The following GRID2 variants were observed in gnomAD, a reference collection of about 807,000 sequenced individuals.
GRID2 encodes glutamate receptor ionotropic, delta-2.
GRID2 carries 33 observed loss-of-function variants against 114.8 expected under a neutral mutation model. The ratio of observed to expected loss-of-function variants is 0.29; its 90% CI spans 0.22 to 0.38. GRID2 has a LOEUF of 0.38. Ranked by LOEUF, GRID2 falls within the 10% of genes least tolerant of loss-of-function variation. The pLI, the probability that GRID2 is intolerant of heterozygous loss-of-function variation, is 1.00. For missense variants in GRID2, 1,184 were observed against 1,257.7 expected (o/e 0.94, Z 0.89); for synonymous variants, 505 against 449.9 (o/e 1.12, Z -1.55).
At position 93,017,818 on chromosome 4, in the gene GRID2, A is replaced by AG. The variant is rs1398615032; in HGVS notation, c.245-67177_245-67176insG. 1.3e-3 allele frequency among the ~76,000 whole-genome samples: 193 copies of AG among 150,358 alleles called. 2 individuals are homozygous for AG. Among genetic ancestry groups the AG allele is most frequent in the African/African-American group, 4.5e-3 (183 of 40,972 alleles). On this transcript the variant is annotated intron_variant, in intron 2 of 15. Coordinates refer to ENST00000282020, the MANE Select transcript of GRID2 (RefSeq NM_001510.4). ...GGCTCCTTTTCAAGAAAAAAAAAAAAAAAAGAAAAGAAAAGAAAAAATAAA... is the reference window on the plus strand; with the variant it reads ...GGCTCCTTTTCAAGAAAAAAAAAAAAGAAAAGAAAAGAAAAGAAAAAATAAA...
intron 2 of GRID2, among the ~76,000 whole-genome samples, chr4:93,012,675 T>A (rs1319199574): frequency 6.6e-6 from 1 of 150,400 alleles, no homozygotes; most frequent in African/African-American, 2.4e-5. Flanking sequence ...ACTATAAGGA[T>A]AAAAAAAAAC....
chr4:92,619,809 T>G (rs1193538597), intron 2 of GRID2, among the ~76,000 whole-genome samples: 1 of 151,788 alleles, frequency 6.6e-6, no homozygotes, highest in Non-Finnish European at 1.5e-5. Context: ...TTAAATAGTT[T>G]CACACATGAG....
intron 2 of GRID2, among the ~76,000 whole-genome samples, chr4:93,073,805 A>T (rs563012624): frequency 3.9e-5 from 6 of 152,226 alleles, no homozygotes; most frequent in African/African-American, 1.4e-4. Context: ...GAGGCAGGAA[A>T]CTCTCCAGAG....
chr4:92,823,607 G>T (rs1292845456), intron 2 of GRID2, among the ~76,000 whole-genome samples: 1 of 150,792 alleles, frequency 6.6e-6, no homozygotes, highest in African/African-American at 2.5e-5. Context: ...TCACTGAAAA[G>T]TTCTAGATTA....
At chr4:93,282,981 A>C (rs1752801597) in intron 8 of GRID2, among the ~76,000 whole-genome samples, 1 of 152,040 alleles carries the variant, frequency 6.6e-6, no homozygotes, top group Non-Finnish European at 1.5e-5. Flanking sequence ...CAAGGAGGGC[A>C]CCAAGCCATT....
chr4:92,940,695 G>T (rs982635552), intron 2 of GRID2, among the ~76,000 whole-genome samples: 1 of 152,050 alleles, frequency 6.6e-6, no homozygotes, highest in African/African-American at 2.4e-5. Flanking sequence ...TATGATATTG[G>T]CTGTGGGTTT....
intron 2 of GRID2, among the ~76,000 whole-genome samples, chr4:92,648,962 T>A (rs1731779393): frequency 7.2e-6 from 1 of 138,964 alleles, no homozygotes; most frequent in Non-Finnish European, 1.5e-5. Context: ...TGTGTAGAAC[T>A]AGCTGATATA....
At chr4:92,602,881 A>G (rs368926612) in intron 2 of GRID2, among the ~76,000 whole-genome samples, 4 of 152,200 alleles carry the variant, frequency 2.6e-5, no homozygotes, top group Non-Finnish European at 5.9e-5. Context: ...TCAATGTGCA[A>G]AAATAACAAG....
intron 9 of GRID2, among the ~76,000 whole-genome samples, chr4:93,397,895 G>GT (rs1019459682): frequency 6.6e-6 from 1 of 151,342 alleles, no homozygotes. Context: ...TTTTTATTGG[G>GT]TTTTTTTCCT....
At chr4:92,605,454 C>G (rs1345093954) in intron 2 of GRID2, among the ~76,000 whole-genome samples, 2 of 151,688 alleles carry the variant, frequency 1.3e-5, no homozygotes, top group African/African-American at 4.8e-5. Context: ...ACAAAGAGAT[C>G]TAGAAAAGTT....
At chr4:93,172,896 A>T (rs939190848) in intron 4 of GRID2, among the ~76,000 whole-genome samples, 6 of 152,114 alleles carry the variant, frequency 3.9e-5, no homozygotes, top group Admixed American at 1.3e-4. Context: ...ATCTTTAAAA[A>T]TATCACATCT....
Position 93,585,749 on chromosome 4 carries a change from C to T in GRID2, c.2194-40520C>T, listed in dbSNP as rs565709844. On this transcript the variant is annotated intron_variant, in intron 13 of 15. Transcript: ENST00000282020. Reference sequence around the variant, plus strand: ...TTCATGCTTCAAACTAGATCCTGCCCAGACATGTTATAACAAGTTAATACA... The same window carrying T: ...TTCATGCTTCAAACTAGATCCTGCCTAGACATGTTATAACAAGTTAATACA... 5.3e-5 allele frequency among the ~76,000 whole-genome samples: 8 copies of T among 152,058 alleles called. No homozygotes were observed. The South Asian group carries it at 1.4e-3, about 28-fold the overall frequency.
At chr4:92,458,761 T>C (rs898327125) in intron 1 of GRID2, among the ~76,000 whole-genome samples, 3 of 152,206 alleles carry the variant, frequency 2.0e-5, no homozygotes, top group African/African-American at 7.2e-5. Flanking sequence ...TTGCTACATG[T>C]AAAAACTGCT....
intron 1 of GRID2, among the ~76,000 whole-genome samples, chr4:92,466,093 G>T (rs1207598441): frequency 6.6e-6 from 1 of 151,628 alleles, no homozygotes; most frequent in Non-Finnish European, 1.5e-5. Context: ...AGTAATTGCA[G>T]TTTTTGCAAT....
chr4:92,957,333 G>A (rs983875536), intron 2 of GRID2, among the ~76,000 whole-genome samples: 1 of 151,976 alleles, frequency 6.6e-6, no homozygotes, highest in African/African-American at 2.4e-5. Flanking sequence ...TTTTGTAAAA[G>A]GTGTAAGGTT....
At chr4:93,750,392 G>C (rs1388627552) in intron 14 of GRID2, among the ~76,000 whole-genome samples, 1 of 152,120 alleles carries the variant, frequency 6.6e-6, no homozygotes, top group Non-Finnish European at 1.5e-5. Context: ...TTGTAGCCAA[G>C]GAAATTCAAG....
intron 10 of GRID2, among the ~76,000 whole-genome samples, chr4:93,452,370 G>A (rs1243065315): frequency 1.3e-5 from 2 of 152,150 alleles, no homozygotes; most frequent in Non-Finnish European, 2.9e-5. Flanking sequence ...TTTTCTCAGA[G>A]TGACTGGGAT....
intron 14 of GRID2, among the ~76,000 whole-genome samples, chr4:93,636,383 A>T (rs1366632877): frequency 6.6e-6 from 1 of 152,084 alleles, no homozygotes; most frequent in Non-Finnish European, 1.5e-5. Context: ...AAAATATTCC[A>T]GAACTTAAAA....
chr4:92,357,494 A>G (rs1728385009), intron 1 of GRID2, among the ~76,000 whole-genome samples: 1 of 151,846 alleles, frequency 6.6e-6, no homozygotes, highest in Non-Finnish European at 1.5e-5. Flanking sequence ...GTTGGTAAGG[A>G]AAAGGATATA....
Sources: gnomAD v4.1 joint callset for allele counts (sites outside exome capture counted in the v4.1 genomes callset) on GRCh38, gnomAD v4.1.1 for gene constraint, MANE v1.5 for transcripts, NCBI Gene and HGNC (gene_info 2026-07-23, HGNC 2026-07-21) for gene names.